Variants in UGT1A9 observed in about 807,000 individuals in gnomAD.
The protein encoded by UGT1A9 is UDP-glucuronosyltransferase 1A9.
Under a neutral mutation model 45.0 loss-of-function variants are expected in UGT1A9, and 35 were observed. That is an observed-to-expected ratio of 0.78 (90% CI 0.59 to 1.03). The LOEUF (loss-of-function observed/expected upper bound fraction) is 1.03, where lower values mean the gene tolerates loss of function less well. Ranked by LOEUF, UGT1A9 falls within the 50% of genes least tolerant of loss-of-function variation. The pLI is 0.00. For missense variants in UGT1A9, 687 were observed against 666.6 expected (o/e 1.03, Z -0.34); for synonymous variants, 278 against 250.6 (o/e 1.11, Z -1.03).
chr2:233,768,255 G>A lies in UGT1A9; in HGVS notation c.1111G>A (p.Gly371Ser), dbSNP rs1276913504. The A allele has an allele frequency of 1.2e-6, 2 of 1,614,166 alleles. No homozygotes were observed. Among genetic ancestry groups the A allele is most frequent in the Non-Finnish European group, 8.5e-7 (1 of 1,180,040 alleles). ...PMTRAFITHAGSHGVYESICN... is the reference protein window; with the variant it reads ...PMTRAFITHASSHGVYESICN... Reference sequence around the variant, plus strand: ...GACCCGTGCCTTTATCACCCATGCTGGTTCCCATGGTGTTTATGAAAGCAT... The same window carrying A: ...GACCCGTGCCTTTATCACCCATGCTAGTTCCCATGGTGTTTATGAAAGCAT... The change falls in exon 4 of 5, where the codon GGT becomes AGT. Residue 371 changes from glycine to serine, a missense_variant. Gly to Ser is a moderately conservative substitution (Grantham distance 56, BLOSUM62 0). Coordinates refer to ENST00000354728, the MANE Select transcript of UGT1A9 (RefSeq NM_021027.3).
chr2:233,704,074 A>G (rs2075766194), intron 1 of UGT1A9, among the ~76,000 whole-genome samples: 1 of 151,960 alleles, frequency 6.6e-6, no homozygotes, highest in Admixed American at 6.6e-5. Flanking sequence ...TATTTTTTAT[A>G]GAGACAGAGT....
intron 1 of UGT1A9, chr2:233,743,255 C>T: frequency 2.3e-6 from 1 of 438,832 alleles, no homozygotes; most frequent in Middle Eastern, 3.5e-4. Flanking sequence ...CTCAACTCTC[C>T]ATCTTCCTCC....
In UGT1A9 at chr2:233,755,308, G is replaced by A. The variant is rs1306203724; in HGVS notation, c.856-11726G>A. The A allele has an allele frequency of 1.8e-5, 10 of 564,374 alleles. No individual in the cohort carries two copies. The Admixed American group carries it at 2.0e-4, about 11-fold the overall frequency. The allele number at this position is 564,374 out of a possible 1,614,324, so 35.0% of individuals were successfully genotyped here. A position where few individuals can be genotyped will look rare whatever the true frequency, so the allele number is the denominator to read the frequency against. On this transcript the variant is annotated intron_variant, in intron 1 of 4. Coordinates refer to ENST00000354728, the MANE Select transcript of UGT1A9 (RefSeq NM_021027.3). ...AGAGCCTGCGGGGCACTGGCACAGCGAGCGGCAAGGCTGCCAGCACCCGCG... is the reference window on the plus strand; with the variant it reads ...AGAGCCTGCGGGGCACTGGCACAGCAAGCGGCAAGGCTGCCAGCACCCGCG...
At chr2:233,696,872 A>G (rs1458006526) in intron 1 of UGT1A9, among the ~76,000 whole-genome samples, 1 of 152,208 alleles carries the variant, frequency 6.6e-6, no homozygotes, top group Admixed American at 6.5e-5. Flanking sequence ...TTCAGCATCT[A>G]CAACATATGA....
At chr2:233,680,327 G>A (rs1310899130) in intron 1 of UGT1A9, among the ~76,000 whole-genome samples, 2 of 152,146 alleles carry the variant, frequency 1.3e-5, no homozygotes, top group East Asian at 1.9e-4. Flanking sequence ...GAGAAGAAAC[G>A]CGCAGAGGGT....
chr2:233,726,566 C>T (rs772348074), intron 1 of UGT1A9, among the ~76,000 whole-genome samples: 3 of 152,296 alleles, frequency 2.0e-5, no homozygotes, highest in South Asian at 2.1e-4. Flanking sequence ...CCCACTCTTA[C>T]GCCTGTCTCC....
In UGT1A9 at chr2:233,678,824, T is replaced by C. The variant is rs117986247; in HGVS notation, c.855+6035T>C. ...CTTGAATTTCTCCAAGAGTCATATT[T>C]TGAAATACCTTATCCCCAACATTTT... is the stretch of plus-strand genomic sequence containing the variant. On this transcript the variant is annotated intron_variant, in intron 1 of 4. Coordinates refer to ENST00000354728, the MANE Select transcript of UGT1A9 (RefSeq NM_021027.3). Among the ~76,000 whole-genome samples, 189 of 152,352 alleles carry C rather than the reference T, an allele frequency of 1.2e-3. 1 individual carries two copies. In the East Asian group the frequency reaches 0.017, roughly 13 times the overall value.
In UGT1A9 at chr2:233,769,436, T is replaced by TGTGGGTGCACACGTGTGCATTCATATGC; in HGVS notation, c.1295+1001_1295+1028dup. The TGTGGGTGCACACGTGTGCATTCATATGC allele has an allele frequency of 6.4e-7, 1 of 1,552,200 alleles. No individual in the cohort carries two copies. The highest frequency in any genetic ancestry group is 2.3e-5 in the East Asian group (1 of 44,346). ...GTTTGTGCATGTGGCTGTGCTCATG[T>TGTGGGTGCACACGTGTGCATTCATATGC]GTGGGTGCACACGTGTGCATTCATA... is the stretch of plus-strand genomic sequence containing the variant. On this transcript the variant is annotated intron_variant, in intron 4 of 4. Coordinates refer to ENST00000354728, the MANE Select transcript of UGT1A9 (RefSeq NM_021027.3). The surrounding 1 kb of genome is among the most constrained non-coding windows in gnomAD (Gnocchi z 4.4).
At chr2:233,754,596 T>TA (rs1695527664) in intron 1 of UGT1A9, 1 of 431,834 alleles carries the variant, frequency 2.3e-6, no homozygotes, top group Middle Eastern at 3.5e-4. Flanking sequence ...TGAAGGACTT[T>TA]AACTCAACTC....
intron 4 of UGT1A9, chr2:233,770,929 T>C (rs1212453952): frequency 6.6e-6 from 1 of 152,194 alleles, no homozygotes; most frequent in African/African-American, 2.4e-5. Context: ...CTGACATCAC[T>C]TGGCTGCCGG....
intron 1 of UGT1A9, chr2:233,743,403 G>GC (rs1347422020): frequency 7.7e-7 from 1 of 1,297,134 alleles, no homozygotes; most frequent in African/African-American, 1.5e-5. Flanking sequence ...AGGAAGAAAG[G>GC]CCCCCACTTC....
intron 1 of UGT1A9, among the ~76,000 whole-genome samples, chr2:233,704,961 C>T (rs1307195227): frequency 2.0e-5 from 3 of 152,020 alleles, no homozygotes; most frequent in Non-Finnish European, 2.9e-5. Flanking sequence ...CATGGTGAAA[C>T]CCCATCTCTA....
At chr2:233,697,743 A>T (rs1322663266) in intron 1 of UGT1A9, among the ~76,000 whole-genome samples, 2 of 152,094 alleles carry the variant, frequency 1.3e-5, no homozygotes, top group African/African-American at 2.4e-5. Context: ...TGGTTTTGCT[A>T]TAGCCCATAG....
At chr2:233,749,911 T>C (rs1694301835) in intron 1 of UGT1A9, among the ~76,000 whole-genome samples, 2 of 151,950 alleles carry the variant, frequency 1.3e-5, no homozygotes, top group Non-Finnish European at 2.9e-5. Flanking sequence ...CACCTGGAAC[T>C]GTGAGTCAAT....
At position 233,725,271 on chromosome 2, in the gene UGT1A9, GAGGCAGAGGCAGAGGCA is replaced by G. The variant is rs1559370545; in HGVS notation, c.856-41762_856-41746del. ...AGAGGAGGCAGAGGCAGAGGAGGCAGAGGCAGAGGCAGAGGCAGAGGCAGAGGCAGAGGCAGAGGCAG... is the reference window on the plus strand; with the variant it reads ...AGAGGAGGCAGAGGCAGAGGAGGCAGGAGGCAGAGGCAGAGGCAGAGGCAG... On this transcript the variant is annotated intron_variant, in intron 1 of 4. Coordinates refer to ENST00000354728, the MANE Select transcript of UGT1A9 (RefSeq NM_021027.3). 2.2e-4 allele frequency among the ~76,000 whole-genome samples: 9 copies of G among 41,180 alleles called. 2 individuals are homozygous for G. The East Asian group carries it at 5.2e-3, about 24-fold the overall frequency. 27.0% of individuals were successfully genotyped at this position (41,180 alleles called of 152,430 possible). A position where few individuals can be genotyped will look rare whatever the true frequency, so the allele number is the denominator to read the frequency against.
intron 1 of UGT1A9, among the ~76,000 whole-genome samples, chr2:233,721,183 C>T (rs1370349767): frequency 6.6e-6 from 1 of 152,264 alleles, no homozygotes; most frequent in South Asian, 2.1e-4. Context: ...GATCAAACCA[C>T]AAGATATTTG....
In UGT1A9 at chr2:233,672,439, G is replaced by A. The variant is rs372244167; in HGVS notation, c.505G>A (p.Ala169Thr). 39 of 1,613,606 alleles carry A rather than the reference G, an allele frequency of 2.4e-5. No homozygotes were observed. Among genetic ancestry groups the A allele is most frequent in the Admixed American group, 3.3e-5 (2 of 59,948 alleles). The change falls in exon 1 of 5, where the codon GCC becomes ACC. Residue 169 changes from alanine to threonine, a missense_variant. Physicochemically the swap from Ala to Thr is moderately conservative, Grantham distance 58 (BLOSUM62 0). Coordinates refer to ENST00000354728, the MANE Select transcript of UGT1A9 (RefSeq NM_021027.3). ...KYFSLPSVVF[A>T]RGILCHYLEE... ...TTTCTCCCTCCCCTCCGTGGTCTTC[G>A]CCAGGGGAATACTTTGCCACTATCT... is the stretch of plus-strand genomic sequence containing the variant.
At chr2:233,692,704 C>A in intron 1 of UGT1A9, 3 of 432,616 alleles carry the variant, frequency 6.9e-6, no homozygotes, top group Non-Finnish European at 9.2e-6. Context: ...CTCTCCAAGT[C>A]ATCTTCAAAG....
At position 233,761,196 on chromosome 2, in the gene UGT1A9, T is replaced by C. The variant is rs761284519; in HGVS notation, c.856-5838T>C. 5.6e-6 allele frequency: 9 copies of C among 1,614,024 alleles called. No homozygotes were observed. The East Asian group carries it at 2.0e-4, about 36-fold the overall frequency. Reference sequence around the variant, plus strand: ...TTTTACATGCGTATATTCTTTCAGATGTATTACTTTGGATCGATTAACTAG... The same window carrying C: ...TTTTACATGCGTATATTCTTTCAGACGTATTACTTTGGATCGATTAACTAG... On this transcript the variant is annotated intron_variant, in intron 1 of 4. Transcript: ENST00000354728.
Sources: allele counts gnomAD v4.1 joint callset (sites outside exome capture counted in the v4.1 genomes callset), GRCh38; gene constraint gnomAD v4.1.1; non-coding constraint Gnocchi (gnomAD v3.1); transcripts MANE v1.5; gene names NCBI Gene and HGNC (gene_info 2026-07-23, HGNC 2026-07-21).